The following LRBA variants were observed in gnomAD, a reference collection of about 807,000 sequenced individuals.
LRBA encodes lipopolysaccharide-responsive and beige-like anchor protein.
A neutral mutation model predicts 330.0 loss-of-function variants in LRBA; 176 were observed. The ratio of observed to expected loss-of-function variants is 0.53; its 90% CI spans 0.47 to 0.60. The LOEUF is 0.60. Ranked by LOEUF, LRBA falls within the 20% of genes least tolerant of loss-of-function variation. LRBA has a pLI of 0.00. For synonymous variants in LRBA, 1,230 were observed against 1,193.0 expected, an observed-to-expected ratio of 1.03 and a Z score of -0.64; for missense variants, 3,259 against 3,444.8, an observed-to-expected ratio of 0.95 and a Z score of 1.35.
At chr4:150,675,957 C>T (rs963010071) in intron 37 of LRBA, among the ~76,000 whole-genome samples, 6 of 152,146 alleles carry the variant, frequency 3.9e-5, no homozygotes, top group Non-Finnish European at 8.8e-5. Flanking sequence ...CCTTACTATC[C>T]AATGAACTTA....
intron 4 of LRBA, among the ~76,000 whole-genome samples, chr4:150,922,165 A>G (rs1554000157): frequency 6.6e-6 from 1 of 152,064 alleles, no homozygotes; most frequent in Non-Finnish European, 1.5e-5. Flanking sequence ...CTGGCCAAAA[A>G]CGATCTTTTA....
In LRBA at chr4:150,914,092, TC is replaced by T. The variant is rs909438852; in HGVS notation, c.1161+102del. 1.8e-5 allele frequency: 16 copies of T among 891,978 alleles called. No homozygotes were observed. The African/African-American group carries it at 2.5e-4, about 14-fold the overall frequency. 55.3% of individuals were successfully genotyped at this position (891,978 alleles called of 1,614,324 possible). On this transcript the variant is annotated intron_variant, in intron 9 of 56. Coordinates refer to ENST00000651943, the MANE Select transcript of LRBA (RefSeq NM_001364905.1). ...GGTATCAAATAGTAGGTCTCATTTT[TC>T]TTTTTTTTTTTTGTATCCATTAACC...
rs546298566 is a variant in LRBA, at chr4:150,326,390, T to G, written c.7363-492A>C. Among the ~76,000 whole-genome samples, 3 of 152,354 alleles carry G rather than the reference T, an allele frequency of 2.0e-5. No individual in the cohort carries two copies. The South Asian group carries it at 6.2e-4, about 32-fold the overall frequency. On this transcript the variant is annotated intron_variant, in intron 48 of 56. Transcript: ENST00000651943. ...AATTTTGCCATAGGAAGAGCATTAT[T>G]GTTGACTGTCTCTTTGAAGTTAGAC...
chr4:150,572,297 C>CT (rs1769976010), intron 40 of LRBA, among the ~76,000 whole-genome samples: 1 of 151,792 alleles, frequency 6.6e-6, no homozygotes, highest in Non-Finnish European at 1.5e-5. Context: ...TTTGTTTTTT[C>CT]TTTTTTTCTA....
intron 41 of LRBA, among the ~76,000 whole-genome samples, chr4:150,488,649 G>A (rs541832727): frequency 3.3e-4 from 50 of 150,876 alleles, no homozygotes; most frequent in African/African-American, 1.2e-3. Context: ...TATTCATTTG[G>A]TCAGTCATGG....
intron 32 of LRBA, among the ~76,000 whole-genome samples, 182 bp downstream of exon 32, chr4:150,808,138 T>C (rs541946215): frequency 6.6e-6 from 1 of 152,310 alleles, no homozygotes; most frequent in South Asian, 2.1e-4. Context: ...AAATGACTTG[T>C]ACATCTTATA....
chr4:150,677,209 C>T (rs1782635113), intron 37 of LRBA, among the ~76,000 whole-genome samples: 1 of 151,808 alleles, frequency 6.6e-6, no homozygotes, highest in South Asian at 2.1e-4. Flanking sequence ...TAACATAAGG[C>T]TAAAATCTTA....
chr4:150,649,755 CA>C (rs1779536236), intron 37 of LRBA, among the ~76,000 whole-genome samples: 19 of 152,134 alleles, frequency 1.2e-4, no homozygotes, highest in Admixed American at 6.5e-4. Flanking sequence ...TGAGTTACCC[CA>C]ATTTAATAAA....
At chr4:150,807,251 A>G (rs7656796) in intron 32 of LRBA, among the ~76,000 whole-genome samples, 132,861 of 151,952 alleles carry the variant, frequency 0.87, 58,490 homozygotes, top group Non-Finnish European at 0.94. Flanking sequence ...TACCAAGAAG[A>G]CAGTTGCTAC....
In LRBA at chr4:150,599,064, G is replaced by A. The variant is rs35879351; in HGVS notation, c.5989C>T (p.Arg1997Cys). ...DDLRRRRRFV[R>C]NPLGSTHPEA... is the part of the protein sequence containing the mutation. ...GGATGTGTCGATCCTAGAGGGTTACGCACAAATCGTCGCCGGCGCCGCAAG... is the reference window on the plus strand; with the variant it reads ...GGATGTGTCGATCCTAGAGGGTTACACACAAATCGTCGCCGGCGCCGCAAG... Residue 1997 changes from arginine (R) to cysteine (C), a missense_variant, in exon 38 of 57, where the codon CGT (arginine) becomes TGT (cysteine). Physicochemically the swap from Arg to Cys is radical, Grantham distance 180. Coordinates refer to ENST00000651943, the MANE Select transcript of LRBA (RefSeq NM_001364905.1). 0.027 allele frequency: 43,553 copies of A among 1,613,952 alleles called. 708 individuals are homozygous for A. Among genetic ancestry groups the A allele is most frequent in the Non-Finnish European group, 0.031 (36,335 of 1,179,930 alleles).
At chr4:150,998,457 G>A (rs1055141960) in intron 2 of LRBA, among the ~76,000 whole-genome samples, 1 of 151,962 alleles carries the variant, frequency 6.6e-6, no homozygotes, top group Non-Finnish European at 1.5e-5. Flanking sequence ...GGGCTCACGT[G>A]ATCCTGCCAC....
At chr4:150,552,041 T>C (rs1766672282) in intron 40 of LRBA, among the ~76,000 whole-genome samples, 1 of 152,076 alleles carries the variant, frequency 6.6e-6, no homozygotes. Flanking sequence ...GCACGCAACC[T>C]AGTTCCCTCA....
intron 4 of LRBA, among the ~76,000 whole-genome samples, chr4:150,927,391 A>T (rs1463126232): frequency 1.3e-5 from 2 of 151,434 alleles, no homozygotes; most frequent in African/African-American, 2.4e-5. Flanking sequence ...AAAAAAAAAA[A>T]TTTACAGAAA....
intron 47 of LRBA, among the ~76,000 whole-genome samples, chr4:150,386,891 G>C (rs1175063063): frequency 6.6e-6 from 1 of 152,130 alleles, no homozygotes. Flanking sequence ...AACAGTGTAA[G>C]AGCATTCCTT....
chr4:150,905,576 A>G (rs1199709621), intron 13 of LRBA, among the ~76,000 whole-genome samples: 2 of 152,072 alleles, frequency 1.3e-5, no homozygotes, highest in Admixed American at 1.3e-4. Context: ...CTATACCTGT[A>G]TCTTTTAAAA....
rs568123889 is a variant in LRBA, at chr4:150,578,686, T to C, written c.6330+9362A>G. Among the ~76,000 whole-genome samples, 4 of 152,368 alleles carry C rather than the reference T, an allele frequency of 2.6e-5. No individual in the cohort carries two copies. In the East Asian group the frequency reaches 7.7e-4, roughly 29 times the overall value. ...TTAAACATCCTCATATTTTAGTTTA[T>C]AGTAACTAAAAACATGCCCACTTCA... On this transcript the variant is annotated intron_variant, in intron 40 of 56. Coordinates refer to ENST00000651943, the MANE Select transcript of LRBA (RefSeq NM_001364905.1).
At chr4:150,618,938 A>G (rs1408729413) in intron 37 of LRBA, among the ~76,000 whole-genome samples, 2 of 151,730 alleles carry the variant, frequency 1.3e-5, no homozygotes, top group Non-Finnish European at 2.9e-5. Flanking sequence ...ATATGCACTT[A>G]AGTCTACTAA....
chr4:150,900,070 C>T lies in LRBA; in HGVS notation c.1903G>A (p.Gly635Ser), dbSNP rs1338277280. ...ATACCTAATCCTTTTGGGGTGATAC[C>T]ACTTCGATCCTGAGGATTCACTGCC... ...YWAVNPQDRS[G>S]ITPKGLDGPR... Residue 635 changes from glycine (G) to serine (S), a missense_variant, in exon 14 of 57, where the codon GGT becomes AGT. Gly to Ser is a moderately conservative substitution (Grantham distance 56, BLOSUM62 0). Coordinates refer to ENST00000651943, the MANE Select transcript of LRBA (RefSeq NM_001364905.1). 1 of 1,612,522 alleles carries T rather than the reference C, an allele frequency of 6.2e-7. No individual in the cohort carries two copies. The highest frequency in any genetic ancestry group is 1.1e-5 in the South Asian group (1 of 90,870).
intron 42 of LRBA, among the ~76,000 whole-genome samples, chr4:150,484,913 G>A (rs1223218811): frequency 2.0e-5 from 3 of 151,758 alleles, no homozygotes; most frequent in Non-Finnish European, 1.5e-5. Flanking sequence ...CATGTTTTAT[G>A]TAGAAGCGCA....
Sources: gnomAD v4.1 joint callset for allele counts (sites outside exome capture counted in the v4.1 genomes callset) on GRCh38, gnomAD v4.1.1 for gene constraint, MANE v1.5 for transcripts, NCBI Gene and HGNC (gene_info 2026-07-23, HGNC 2026-07-21) for gene names.